Variants in RIN2 observed in about 807,000 individuals in gnomAD.
RIN2 encodes Ras and Rab interactor 2, also known as RAB5 interacting protein 2.
Under a neutral mutation model 78.0 loss-of-function variants are expected in RIN2, and 36 were observed. The observed-to-expected ratio is 0.46, with a 90% CI of 0.35 to 0.61. The LOEUF (loss-of-function observed/expected upper bound fraction) is 0.61. RIN2 is among the 20% of genes least tolerant of loss of function. The pLI is 0.00. For missense variants in RIN2, 1,087 were observed against 1,159.7 expected, an observed-to-expected ratio of 0.94 and a Z score of 0.91; for synonymous variants, 466 against 466.8, an observed-to-expected ratio of 1.00 and a Z score of 0.02.
At chr20:19,865,100 G>T (rs6046382) in intron 2 of RIN2, among the ~76,000 whole-genome samples, 2,055 of 152,280 alleles carry the variant, frequency 0.013, 51 homozygotes, top group African/African-American at 0.047. Context: ...GACTCCCCCA[G>T]ATTTAGTACT....
At chr20:19,982,520 G>A (rs1407365823) in intron 9 of RIN2, among the ~76,000 whole-genome samples, 1 of 152,206 alleles carries the variant, frequency 6.6e-6, no homozygotes, top group African/African-American at 2.4e-5. Context: ...TTGGCTGAAA[G>A]TCAGGGGCGA....
intron 9 of RIN2, among the ~76,000 whole-genome samples, chr20:19,982,977 T>G (rs1344060194): frequency 1.3e-5 from 2 of 152,324 alleles, no homozygotes; most frequent in East Asian, 3.9e-4. Context: ...CAAACTATAT[T>G]GGCTGCCTTC....
At chr20:19,854,338 G>A (rs6081771) in intron 2 of RIN2, among the ~76,000 whole-genome samples, 25,622 of 152,162 alleles carry the variant, frequency 0.17, 2,691 homozygotes, top group Non-Finnish European at 0.22. Context: ...TGTTCTTTTG[G>A]CTTAGGATTG....
At chr20:19,967,286 A>G (rs2041969435) in intron 7 of RIN2, among the ~76,000 whole-genome samples, 1 of 152,364 alleles carries the variant, frequency 6.6e-6, no homozygotes, top group Admixed American at 6.5e-5. Flanking sequence ...GATGTTTTGC[A>G]GGTAGGAAGG....
At chr20:19,873,015 GA>G (rs1307446102) in intron 2 of RIN2, among the ~76,000 whole-genome samples, 1 of 151,984 alleles carries the variant, frequency 6.6e-6, no homozygotes, top group Non-Finnish European at 1.5e-5. Context: ...GTGAATGAGG[GA>G]AATGGTAAAA....
At chr20:19,880,225 TG>T (rs1336957241) in intron 2 of RIN2, among the ~76,000 whole-genome samples, 1 of 146,612 alleles carries the variant, frequency 6.8e-6, no homozygotes, top group East Asian at 2.0e-4. Context: ...TACTCCATCC[TG>T]GGCAACAGAG....
chr20:19,796,929 GT>G (rs894353836), intron 1 of RIN2, among the ~76,000 whole-genome samples: 13 of 152,334 alleles, frequency 8.5e-5, no homozygotes, highest in African/African-American at 3.1e-4. Context: ...CAGAGTCAAT[GT>G]TTTTTGTTTT....
intron 3 of RIN2, among the ~76,000 whole-genome samples, chr20:19,914,732 G>A (rs1306846898): frequency 6.6e-6 from 1 of 152,164 alleles, no homozygotes; most frequent in African/African-American, 2.4e-5. Context: ...CAGACTCTCA[G>A]GCCCTACGGA....
chr20:19,995,575 T>G (rs536588343), intron 11 of RIN2, among the ~76,000 whole-genome samples: 1 of 152,156 alleles, frequency 6.6e-6, no homozygotes, highest in African/African-American at 2.4e-5. Context: ...CAGCCCTTTT[T>G]ACACTCCTCA....
chr20:19,986,401 G>A (rs2042624690), intron 9 of RIN2, among the ~76,000 whole-genome samples: 1 of 151,892 alleles, frequency 6.6e-6, no homozygotes, highest in South Asian at 2.1e-4. Flanking sequence ...TTTAAATTAT[G>A]GTCTTTAAAG....
rs1383470672 is a variant in RIN2, at chr20:19,835,063, GA to G, written c.-37+35321del. On this transcript the variant is annotated intron_variant, in intron 2 of 12. Transcript: ENST00000255006. ...AGAAAGAAAAAGACAGAAAGAAAGAGAAAAAGAGAAAGAGAAAGAAAGAGAA... is the reference window on the plus strand; with the variant it reads ...AGAAAGAAAAAGACAGAAAGAAAGAGAAAAGAGAAAGAGAAAGAAAGAGAA... Among the ~76,000 whole-genome samples the G allele has an allele frequency of 3.5e-5, 5 of 142,074 alleles. No homozygotes were observed. The East Asian group carries it at 1.1e-3, about 30-fold the overall frequency. The allele number at this position is 142,074 out of a possible 152,430, so 93.2% of individuals were successfully genotyped here.
Position 19,975,230 on chromosome 20 carries a change from A to C in RIN2, c.1205A>C (p.Glu402Ala). The C allele has an allele frequency of 1.3e-6, 2 of 1,585,214 alleles. No homozygotes were observed. Among genetic ancestry groups the C allele is most frequent in the Non-Finnish European group, 1.7e-6 (2 of 1,165,942 alleles). The change falls in exon 9 of 13, where the codon GAG (glutamate) becomes GCG (alanine). Residue 402 changes from glutamate to alanine, a missense_variant. Physicochemically the swap from Glu to Ala is moderately radical, Grantham distance 107. Transcript: ENST00000255006. This position sits in a 1 kb window ranked among gnomAD's most constrained non-coding sequence, Gnocchi z 4.9. ...TAGSPGGAPP[E>A]AAPGDCTRAP... is the part of the protein sequence containing the mutation. ...GGCAGCCCAGGTGGGGCCCCGCCTGAGGCCGCCCCGGGGGATTGCACAAGG... is the reference window on the plus strand; with the variant it reads ...GGCAGCCCAGGTGGGGCCCCGCCTGCGGCCGCCCCGGGGGATTGCACAAGG...
At chr20:19,802,583 G>C (rs2035277611) in intron 2 of RIN2, among the ~76,000 whole-genome samples, 1 of 152,110 alleles carries the variant, frequency 6.6e-6, no homozygotes, top group African/African-American at 2.4e-5. Context: ...AGAAAGGCAG[G>C]CTGGAGGGAT....
chr20:19,855,967 G>A (rs543597456), intron 2 of RIN2, among the ~76,000 whole-genome samples: 3 of 152,200 alleles, frequency 2.0e-5, no homozygotes, highest in Admixed American at 6.5e-5. Context: ...CCAGCTACTC[G>A]GGAGGCTGAG....
intron 3 of RIN2, among the ~76,000 whole-genome samples, chr20:19,930,711 C>A (rs888958692): frequency 1.3e-5 from 2 of 152,174 alleles, no homozygotes; most frequent in African/African-American, 4.8e-5. Context: ...CAGAATGAAG[C>A]AGGGCCTAGT....
chr20:19,900,236 C>A (rs572005832), intron 3 of RIN2, among the ~76,000 whole-genome samples: 10 of 152,318 alleles, frequency 6.6e-5, no homozygotes, highest in Admixed American at 3.9e-4. Flanking sequence ...GTAATCCCAG[C>A]ACTTTGGGAG....
At chr20:19,847,611 A>C (rs1232230585) in intron 2 of RIN2, among the ~76,000 whole-genome samples, 1 of 152,230 alleles carries the variant, frequency 6.6e-6, no homozygotes, top group African/African-American at 2.4e-5. Flanking sequence ...GGCTTGTGTG[A>C]ACTGAGATGT....
intron 7 of RIN2, among the ~76,000 whole-genome samples, chr20:19,967,872 A>G (rs778430496): frequency 5.9e-5 from 9 of 152,226 alleles, no homozygotes; most frequent in Admixed American, 3.3e-4. Flanking sequence ...ACTAAGCACC[A>G]TACATACATA....
chr20:19,938,710 C>T lies in RIN2; in HGVS notation c.158+3511C>T, dbSNP rs538889128. On this transcript the variant is annotated intron_variant, in intron 4 of 12. Coordinates refer to ENST00000255006, the MANE Select transcript of RIN2 (RefSeq NM_018993.4). ...TAGCTGTCAAGGACTCAGCACAGTG[C>T]CTGACACGTGGTAATAGCCACACTA... Among the ~76,000 whole-genome samples, 28 of 152,302 alleles carry T rather than the reference C, an allele frequency of 1.8e-4. 2 individuals carry two copies. The highest frequency in any genetic ancestry group is 6.7e-4 in the African/African-American group (28 of 41,570).
Sources: allele counts gnomAD v4.1 joint callset (sites outside exome capture counted in the v4.1 genomes callset), GRCh38; gene constraint gnomAD v4.1.1; non-coding constraint Gnocchi (gnomAD v3.1); transcripts MANE v1.5; gene names NCBI Gene and HGNC (gene_info 2026-07-23, HGNC 2026-07-21).